Variants in CHCHD6 observed in about 807,000 individuals in gnomAD.
CHCHD6 encodes coiled-coil-helix-coiled-coil-helix domain containing 6.
In CHCHD6, 28 loss-of-function variants were observed where a neutral mutation model predicts 32.3. The ratio of observed to expected loss-of-function variants is 0.87; its 90% CI spans 0.64 to 1.19. The LOEUF (loss-of-function observed/expected upper bound fraction) is 1.19. Among genes scored for constraint, CHCHD6 ranks in the 50% most tolerant of loss-of-function variants. CHCHD6 has a pLI of 0.00. For missense variants in CHCHD6, 333 were observed against 307.0 expected (o/e 1.08, Z -0.63); for synonymous variants, 122 against 117.5 (o/e 1.04, Z -0.25).
chr3:126,897,772 T>TG (rs1403850872), intron 5 of CHCHD6, among the ~76,000 whole-genome samples: 1 of 152,238 alleles, frequency 6.6e-6, no homozygotes, highest in Non-Finnish European at 1.5e-5. Context: ...CTAGGCCCTT[T>TG]GGCTCCCCAT....
intron 4 of CHCHD6, among the ~76,000 whole-genome samples, chr3:126,783,274 A>G (rs1559840815): frequency 6.6e-6 from 1 of 152,236 alleles, no homozygotes; most frequent in African/African-American, 2.4e-5. Context: ...CATGATAAAA[A>G]TCGTCAGCAT....
At chr3:126,831,140 C>T (rs1940623005) in intron 4 of CHCHD6, among the ~76,000 whole-genome samples, 1 of 152,172 alleles carries the variant, frequency 6.6e-6, no homozygotes, top group African/African-American at 2.4e-5. Context: ...TCTCCTGCCT[C>T]AGCCTCCCGT....
At chr3:126,864,118 A>G (rs1942129927) in intron 5 of CHCHD6, among the ~76,000 whole-genome samples, 1 of 134,234 alleles carries the variant, frequency 7.4e-6, no homozygotes, top group South Asian at 2.5e-4. Flanking sequence ...CTCCACCACC[A>G]TCACCACCTC....
At chr3:126,945,586 A>G in intron 6 of CHCHD6, among the ~76,000 whole-genome samples, 1 of 103,028 alleles carries the variant, frequency 9.7e-6, no homozygotes. Context: ...GGTGTGGCGG[A>G]GACTTGATGG....
chr3:126,818,107 G>C lies in CHCHD6; in HGVS notation c.412-34540G>C, dbSNP rs1296765415. 6.6e-5 allele frequency among the ~76,000 whole-genome samples: 10 copies of C among 152,256 alleles called. No individual in the cohort carries two copies. In the East Asian group the frequency reaches 1.9e-3, roughly 29 times the overall value. On this transcript the variant is annotated intron_variant, in intron 4 of 7. Coordinates refer to ENST00000290913, the MANE Select transcript of CHCHD6 (RefSeq NM_032343.3). ...AGTCTGGCAGGGGAAGTGTCACAGT[G>C]TTTTCCTCCTCACTTTTTTTAGGTA...
chr3:126,828,392 A>G (rs1940498966), intron 4 of CHCHD6, among the ~76,000 whole-genome samples: 1 of 152,204 alleles, frequency 6.6e-6, no homozygotes, highest in South Asian at 2.1e-4. Context: ...GGCCTCCAGT[A>G]TCAGTTGGAG....
At chr3:126,912,851 T>C (rs946721735) in intron 5 of CHCHD6, among the ~76,000 whole-genome samples, 3 of 152,234 alleles carry the variant, frequency 2.0e-5, no homozygotes, top group Non-Finnish European at 2.9e-5. Flanking sequence ...CATCTGGACC[T>C]GCCTTCCATG....
At chr3:126,746,387 A>G (rs1257773213) in intron 4 of CHCHD6, among the ~76,000 whole-genome samples, 1 of 152,042 alleles carries the variant, frequency 6.6e-6, no homozygotes, top group Non-Finnish European at 1.5e-5. Flanking sequence ...TAACACATAC[A>G]GCCTCTGGTG....
intron 5 of CHCHD6, among the ~76,000 whole-genome samples, chr3:126,878,662 A>G (rs550475488): frequency 1.3e-4 from 20 of 152,394 alleles, no homozygotes; most frequent in African/African-American, 4.6e-4. Flanking sequence ...CACTTTTGCC[A>G]CCTTCGTAAT....
chr3:126,853,698 T>C (rs139439317), intron 5 of CHCHD6, among the ~76,000 whole-genome samples: 2 of 152,314 alleles, frequency 1.3e-5, no homozygotes, highest in Non-Finnish European at 2.9e-5. Flanking sequence ...TGACATGCCA[T>C]GAACACAGCG....
At chr3:126,934,129 A>C (rs930278117) in intron 6 of CHCHD6, among the ~76,000 whole-genome samples, 6 of 152,226 alleles carry the variant, frequency 3.9e-5, no homozygotes, top group African/African-American at 1.4e-4. Flanking sequence ...CCCCTGGTCT[A>C]TGTGTAGACA....
chr3:126,753,588 A>G (rs1471195721), intron 4 of CHCHD6, among the ~76,000 whole-genome samples: 1 of 152,182 alleles, frequency 6.6e-6, no homozygotes, highest in Admixed American at 6.5e-5. Flanking sequence ...CTTGGCTAGC[A>G]TTCTCTTCCC....
chr3:126,952,916 A>G, intron 6 of CHCHD6: 1 of 965,142 alleles, frequency 1.0e-6, no homozygotes, highest in Non-Finnish European at 1.2e-6. Context: ...CTTGCCAGGG[A>G]CCAGGACCCA....
At chr3:126,804,901 C>A (rs1939284800) in intron 4 of CHCHD6, among the ~76,000 whole-genome samples, 2 of 151,866 alleles carry the variant, frequency 1.3e-5, no homozygotes, top group East Asian at 3.9e-4. Flanking sequence ...TCAATATACG[C>A]AAATCAATAA....
chr3:126,940,952 T>A (rs1161102803), intron 6 of CHCHD6, among the ~76,000 whole-genome samples: 1 of 152,250 alleles, frequency 6.6e-6, no homozygotes, highest in East Asian at 1.9e-4. Flanking sequence ...TCTTTTATCA[T>A]TTTTCTTGTG....
At chr3:126,944,017 C>T (rs972135049) in intron 6 of CHCHD6, among the ~76,000 whole-genome samples, 2 of 152,148 alleles carry the variant, frequency 1.3e-5, no homozygotes, top group Admixed American at 6.5e-5. Context: ...AAAAAGATGT[C>T]CTTGGGTTTG....
At chr3:126,719,068 G>A (rs906639760) in intron 1 of CHCHD6, among the ~76,000 whole-genome samples, 2 of 152,136 alleles carry the variant, frequency 1.3e-5, no homozygotes, top group African/African-American at 4.8e-5. Context: ...CAGAACCCCC[G>A]CAGTGACCTC....
At chr3:126,879,797 G>C (rs1234572228) in intron 5 of CHCHD6, among the ~76,000 whole-genome samples, 2 of 152,194 alleles carry the variant, frequency 1.3e-5, no homozygotes, top group Non-Finnish European at 2.9e-5. Flanking sequence ...GAATGTCCTT[G>C]TTTTTAGGAG....
intron 3 of CHCHD6, 98 bp downstream of exon 3, chr3:126,730,728 T>C (rs1284979307): frequency 1.1e-6 from 1 of 929,492 alleles, no homozygotes; most frequent in Non-Finnish European, 1.7e-6. Flanking sequence ...CCTGGAGGCT[T>C]TGTCTCACAT....
Sources: allele counts gnomAD v4.1 joint callset (sites outside exome capture counted in the v4.1 genomes callset), GRCh38; gene constraint gnomAD v4.1.1; transcripts MANE v1.5; gene names NCBI Gene and HGNC (gene_info 2026-07-23, HGNC 2026-07-21).